The following PDZRN4 variants were observed in gnomAD, a reference collection of about 807,000 sequenced individuals.
The protein encoded by PDZRN4 is PDZ domain-containing RING finger protein 4.
A neutral mutation model predicts 99.0 loss-of-function variants in PDZRN4; 70 were observed. The observed-to-expected ratio is 0.71, with a 90% CI of 0.58 to 0.86. The LOEUF (loss-of-function observed/expected upper bound fraction) is 0.86, where lower values mean the gene tolerates loss of function less well. PDZRN4 is among the 40% of genes least tolerant of loss of function. The probability of loss-of-function intolerance (pLI) is 0.00; values close to 1 mark genes in which losing one functional copy is unlikely to be tolerated. For missense variants in PDZRN4, 1,474 were observed against 1,331.2 expected (o/e 1.11, Z -1.67); for synonymous variants, 551 against 501.6 (o/e 1.10, Z -1.32).
intron 5 of PDZRN4, among the ~76,000 whole-genome samples, chr12:41,543,657 G>A (rs1029372412): frequency 1.5e-4 from 23 of 151,998 alleles, no homozygotes; most frequent in Non-Finnish European, 2.2e-4. Context: ...GCTTTTATTC[G>A]CTTTTTTGAA....
chr12:41,387,683 A>G (rs1952182143), intron 3 of PDZRN4, among the ~76,000 whole-genome samples: 1 of 152,204 alleles, frequency 6.6e-6, no homozygotes, highest in Non-Finnish European at 1.5e-5. Context: ...AAAAAGCACA[A>G]CATCACTGAT....
In PDZRN4 at chr12:41,509,876, C is replaced by T. The variant is rs886261263; in HGVS notation, c.1166C>T (p.Pro389Leu). 1 of 1,600,986 alleles carries T rather than the reference C, an allele frequency of 6.2e-7. No homozygotes were observed. The highest frequency in any genetic ancestry group is 1.7e-5 in the Admixed American group (1 of 58,728). ...GACAATGAGTATATTTCCAGCTTGC[C>T]TGCTGATGCAGACAGAACAGAAGAC... The part of the protein sequence containing the change: ...YEDNEYISSL[P>L]ADADRTEDFE... Residue 389 changes from proline (P) to leucine (L), a missense_variant, in exon 5 of 10, where the codon CCT (proline) becomes CTT (leucine). Transcript: ENST00000402685.
At chr12:41,468,056 G>C (rs1952946218) in intron 3 of PDZRN4, among the ~76,000 whole-genome samples, 1 of 152,064 alleles carries the variant, frequency 6.6e-6, no homozygotes, top group African/African-American at 2.4e-5. Context: ...GAAACCCCAT[G>C]GTCTTACATT....
rs377329100 is a variant in PDZRN4 at position 41,572,449 on chromosome 12, G to A, written c.1670G>A (p.Arg557His). 35 of 1,614,106 alleles carry A rather than the reference G, an allele frequency of 2.2e-5. No individual in the cohort carries two copies. In the African/African-American group the frequency reaches 3.1e-4, roughly 14 times the overall value. Residue 557 changes from arginine to histidine, a missense_variant, in exon 10 of 10, where the codon CGT becomes CAT. Coordinates refer to ENST00000402685, the MANE Select transcript of PDZRN4 (RefSeq NM_001164595.2). The stretch of plus-strand genomic sequence containing the variant: ...CATGAGAAGGACAGTGGAGTAGGAC[G>A]TACAGATGAAAGCTTGCGAAATGAT... ...NNHEKDSGVG[R>H]TDESLRNDES...
At chr12:41,435,941 G>C (rs181206741) in intron 3 of PDZRN4, among the ~76,000 whole-genome samples, 2 of 152,306 alleles carry the variant, frequency 1.3e-5, no homozygotes, top group Admixed American at 1.3e-4. Flanking sequence ...CATGGGAAGT[G>C]ATATAGAGGC....
At chr12:41,533,202 T>C (rs967485133) in intron 5 of PDZRN4, among the ~76,000 whole-genome samples, 1 of 149,688 alleles carries the variant, frequency 6.7e-6, no homozygotes, top group Admixed American at 6.7e-5. Flanking sequence ...TGAGATGGAG[T>C]CTCGCTCTGT....
intron 3 of PDZRN4, among the ~76,000 whole-genome samples, chr12:41,390,933 T>C (rs1952206470): frequency 6.6e-6 from 1 of 152,184 alleles, no homozygotes; most frequent in South Asian, 2.1e-4. Flanking sequence ...GATTCTATCA[T>C]GAACAATAAA....
At chr12:41,198,839 C>T (rs1950795799) in intron 3 of PDZRN4, among the ~76,000 whole-genome samples, 1 of 152,056 alleles carries the variant, frequency 6.6e-6, no homozygotes, top group Non-Finnish European at 1.5e-5. Flanking sequence ...CTGTTTATTA[C>T]CAGAAGAAAG....
chr12:41,188,907 G>A lies in PDZRN4; in HGVS notation c.452G>A (p.Gly151Asp). Residue 151 changes from glycine (G) to aspartate (D), a missense_variant, in exon 1 of 10, where the codon GGC (glycine) becomes GAC (aspartate). By Grantham distance (94) the Gly-to-Asp change is moderately conservative (BLOSUM62 -1). Transcript: ENST00000402685. The part of the protein sequence containing the change: ...RGGGARGGPP[G>D]GRWGRGRGPG... ...GGGGGCGCGCGCGGGGGGCCGCCGG[G>A]CGGCCGCTGGGGCCGCGGGCGGGGA... The A allele has an allele frequency of 9.0e-7, 1 of 1,116,368 alleles. No homozygotes were observed. Among genetic ancestry groups the A allele is most frequent in the Non-Finnish European group, 1.1e-6 (1 of 915,724 alleles). The allele number at this position is 1,116,368 out of a possible 1,614,324, so 69.2% of individuals were successfully genotyped here.
At chr12:41,519,036 T>C (rs1938449505) in intron 5 of PDZRN4, among the ~76,000 whole-genome samples, 1 of 152,094 alleles carries the variant, frequency 6.6e-6, no homozygotes, top group Non-Finnish European at 1.5e-5. Context: ...GGCTTAACAT[T>C]ATAGTTAGTA....
chr12:41,350,972 CTT>C (rs1317921863), intron 3 of PDZRN4, among the ~76,000 whole-genome samples: 2 of 152,058 alleles, frequency 1.3e-5, no homozygotes, highest in Non-Finnish European at 2.9e-5. Flanking sequence ...AGTATTGAAA[CTT>C]TGATTCTAGA....
At chr12:41,434,552 C>T (rs74078840) in intron 3 of PDZRN4, among the ~76,000 whole-genome samples, 1 of 152,114 alleles carries the variant, frequency 6.6e-6, no homozygotes, top group Non-Finnish European at 1.5e-5. Flanking sequence ...CTCAGTAGTA[C>T]AGTTTATATG....
intron 3 of PDZRN4, among the ~76,000 whole-genome samples, chr12:41,491,065 A>G (rs947620036): frequency 6.6e-6 from 1 of 152,184 alleles, no homozygotes; most frequent in Admixed American, 6.6e-5. Context: ...CACATCTGCC[A>G]CATTACTCTT....
intron 5 of PDZRN4, among the ~76,000 whole-genome samples, chr12:41,543,058 T>C (rs1159435402): frequency 6.6e-6 from 1 of 152,174 alleles, no homozygotes; most frequent in Non-Finnish European, 1.5e-5. Context: ...ACCTCTCTAG[T>C]GTCCTCTCTT....
intron 3 of PDZRN4, among the ~76,000 whole-genome samples, chr12:41,431,993 G>A (rs1022007297): frequency 3.3e-5 from 5 of 152,208 alleles, no homozygotes; most frequent in Admixed American, 6.5e-5. Flanking sequence ...AATGATTTCT[G>A]TATTAATAAA....
At chr12:41,268,156 C>T (rs1951291202) in intron 3 of PDZRN4, among the ~76,000 whole-genome samples, 1 of 152,120 alleles carries the variant, frequency 6.6e-6, no homozygotes, top group African/African-American at 2.4e-5. Context: ...TTGTACAAGT[C>T]ACATACCAGG....
chr12:41,507,122 C>A (rs910814143), intron 4 of PDZRN4, among the ~76,000 whole-genome samples: 2 of 152,056 alleles, frequency 1.3e-5, no homozygotes, highest in African/African-American at 4.8e-5. Context: ...CTGTGGGCCA[C>A]CTCTCTCTCT....
intron 3 of PDZRN4, among the ~76,000 whole-genome samples, chr12:41,490,021 C>A (rs1189907873): frequency 6.6e-6 from 1 of 151,950 alleles, no homozygotes; most frequent in East Asian, 1.9e-4. Flanking sequence ...AAAGTCAAGA[C>A]TTTTAATCTC....
At chr12:41,555,822 T>G (rs907859007) in intron 7 of PDZRN4, 62 bp downstream of exon 7, 1 of 1,319,168 alleles carries the variant, frequency 7.6e-7, no homozygotes, top group African/African-American at 1.4e-5. Context: ...TATTTTACTT[T>G]GTTTCTTGTA....
Sources: allele counts gnomAD v4.1 joint callset (sites outside exome capture counted in the v4.1 genomes callset), GRCh38; gene constraint gnomAD v4.1.1; transcripts MANE v1.5; gene names NCBI Gene and HGNC (gene_info 2026-07-23, HGNC 2026-07-21).